Variants in NEK11 observed in about 807,000 individuals in gnomAD.
NEK11 encodes serine/threonine-protein kinase Nek11.
Under a neutral mutation model 80.7 loss-of-function variants are expected in NEK11, and 72 were observed. The ratio of observed to expected loss-of-function variants is 0.89; its 90% CI spans 0.74 to 1.08. The LOEUF is 1.08. Ranked by LOEUF, NEK11 falls within the 50% of genes least tolerant of loss-of-function variation. NEK11 has a pLI of 0.00. For missense variants in NEK11, 764 were observed against 763.6 expected (o/e 1.00, Z -0.01); for synonymous variants, 251 against 260.7 (o/e 0.96, Z 0.36).
chr3:131,285,253 C>T (rs1013798402), intron 17 of NEK11, among the ~76,000 whole-genome samples: 18 of 152,122 alleles, frequency 1.2e-4, no homozygotes, highest in Non-Finnish European at 2.2e-4. Context: ...TCTCTGGATC[C>T]ATTTATATAG....
intron 17 of NEK11, among the ~76,000 whole-genome samples, chr3:131,322,307 G>A (rs1210554699): frequency 6.6e-6 from 1 of 152,044 alleles, no homozygotes; most frequent in African/African-American, 2.4e-5. Context: ...AGGAAGAGAA[G>A]GGGAAAGTGT....
intron 17 of NEK11, among the ~76,000 whole-genome samples, chr3:131,278,085 G>C (rs567188577): frequency 3.3e-5 from 5 of 152,348 alleles, no homozygotes; most frequent in African/African-American, 1.2e-4. Context: ...CATGCATGTA[G>C]TATCTTTTTA....
chr3:131,170,502 TGGTACCTTG>T (rs1229558095), intron 13 of NEK11, among the ~76,000 whole-genome samples: 4 of 152,134 alleles, frequency 2.6e-5, no homozygotes, highest in African/African-American at 9.7e-5. Flanking sequence ...TACCTTCAAT[TGGTACCTTG>T]GGCATCCCAC....
At chr3:131,264,976 A>G (rs545236415) in intron 16 of NEK11, among the ~76,000 whole-genome samples, 2 of 152,278 alleles carry the variant, frequency 1.3e-5, no homozygotes, top group South Asian at 4.1e-4. Flanking sequence ...CTTTGAAGCC[A>G]TTGTGAATGG....
intron 15 of NEK11, among the ~76,000 whole-genome samples, chr3:131,237,522 T>C (rs1243192167): frequency 1.3e-5 from 2 of 152,190 alleles, no homozygotes; most frequent in Non-Finnish European, 2.9e-5. Flanking sequence ...ATCTCCTAAA[T>C]GTGTGCCTTC....
chr3:131,344,044 C>G (rs951850666), intron 17 of NEK11, among the ~76,000 whole-genome samples: 3 of 152,240 alleles, frequency 2.0e-5, no homozygotes, highest in Admixed American at 1.3e-4. Flanking sequence ...TTCTTTGTCA[C>G]ATGGCTAGGC....
At chr3:131,123,579 A>T (rs2082759074) in intron 5 of NEK11, among the ~76,000 whole-genome samples, 1 of 152,148 alleles carries the variant, frequency 6.6e-6, no homozygotes, top group African/African-American at 2.4e-5. Context: ...CTGCTTTCTA[A>T]CATATTGTAT....
At chr3:131,110,716 G>A (rs1392304317) in intron 5 of NEK11, among the ~76,000 whole-genome samples, 2 of 152,102 alleles carry the variant, frequency 1.3e-5, no homozygotes, top group East Asian at 3.8e-4. Flanking sequence ...TTGAACGAAA[G>A]GGGGTAATTT....
At chr3:131,070,910 AG>A in intron 3 of NEK11, among the ~76,000 whole-genome samples, 1 of 152,268 alleles carries the variant, frequency 6.6e-6, no homozygotes, top group East Asian at 1.9e-4. Context: ...CAATTGATTG[AG>A]GTACTTTGAT....
At chr3:131,349,234 T>TAC (rs1265151760) in intron 17 of NEK11, among the ~76,000 whole-genome samples, 2 of 152,166 alleles carry the variant, frequency 1.3e-5, no homozygotes, top group African/African-American at 4.8e-5. Context: ...TATATGTGTA[T>TAC]ATATACATAC....
intron 17 of NEK11, among the ~76,000 whole-genome samples, chr3:131,313,440 T>C (rs1273237993): frequency 6.6e-6 from 1 of 152,174 alleles, no homozygotes; most frequent in East Asian, 1.9e-4. Context: ...CCACCAGCAG[T>C]GTGTAAGTGT....
At chr3:131,137,893 A>T (rs1043688110) in intron 7 of NEK11, among the ~76,000 whole-genome samples, 1 of 152,174 alleles carries the variant, frequency 6.6e-6, no homozygotes, top group East Asian at 1.9e-4. Flanking sequence ...TACACAGTAG[A>T]TGTATATATT....
At chr3:131,145,548 T>A (rs2088001222) in intron 7 of NEK11, among the ~76,000 whole-genome samples, 1 of 152,114 alleles carries the variant, frequency 6.6e-6, no homozygotes, top group Non-Finnish European at 1.5e-5. Context: ...CAGTGATTTT[T>A]AAAAGTGAAT....
chr3:131,247,839 GTTT>G (rs34755844), intron 16 of NEK11, among the ~76,000 whole-genome samples: 197 of 143,458 alleles, frequency 1.4e-3, no homozygotes, highest in African/African-American at 4.5e-3. Flanking sequence ...TATTCCTAGG[GTTT>G]TTTTTTTTTT....
intron 17 of NEK11, chr3:131,325,393 T>A (rs1307898287): frequency 1.3e-5 from 2 of 152,212 alleles, no homozygotes; most frequent in African/African-American, 2.4e-5. Flanking sequence ...AGTATTTTTT[T>A]AATTCTTGGT....
chr3:131,332,334 G>T (rs965709714), intron 17 of NEK11, among the ~76,000 whole-genome samples: 47 of 152,316 alleles, frequency 3.1e-4, no homozygotes, highest in African/African-American at 1.1e-3. Flanking sequence ...TGCAGCCACC[G>T]CTGCTGTTAC....
intron 17 of NEK11, among the ~76,000 whole-genome samples, chr3:131,331,189 G>C (rs1309435085): frequency 6.6e-6 from 1 of 152,208 alleles, no homozygotes; most frequent in African/African-American, 2.4e-5. Flanking sequence ...CTTTGCACTT[G>C]CACTTTGTGT....
At chr3:131,112,944 T>C (rs1223563957) in intron 5 of NEK11, among the ~76,000 whole-genome samples, 1 of 152,152 alleles carries the variant, frequency 6.6e-6, no homozygotes. Flanking sequence ...TTATATAATA[T>C]TGCCAGAGCT....
chr3:131,216,773 C>G (rs534424200), intron 14 of NEK11, among the ~76,000 whole-genome samples: 1 of 152,332 alleles, frequency 6.6e-6, no homozygotes, highest in South Asian at 2.1e-4. Context: ...CTGGCTTGAA[C>G]ATTGGTTTGA....
Sources: allele counts gnomAD v4.1 joint callset (sites outside exome capture counted in the v4.1 genomes callset), GRCh38; gene constraint gnomAD v4.1.1; transcripts MANE v1.5; gene names NCBI Gene and HGNC (gene_info 2026-07-23, HGNC 2026-07-21).